The following XPA variants were observed in gnomAD, a reference collection of about 807,000 sequenced individuals.
XPA encodes DNA repair protein complementing XP-A cells.
In XPA, 27 loss-of-function variants were observed where a neutral mutation model predicts 35.7. The ratio of observed to expected loss-of-function variants is 0.76; its 90% CI spans 0.56 to 1.04. XPA has a LOEUF of 1.04. Among genes scored for constraint, XPA ranks in the 50% least tolerant of loss-of-function variants. The pLI is 0.00. For missense variants in XPA, 354 were observed against 342.7 expected (o/e 1.03, Z -0.26); for synonymous variants, 133 against 118.4 (o/e 1.12, Z -0.80).
At chr9:97,658,130 T>C in the XPA span, among the ~76,000 whole-genome samples, 16 of 152,006 alleles carry the variant, frequency 1.1e-4, 1 homozygote, top group South Asian at 1.5e-3. Context: ...CTCATTGCCA[T>C]TGGGGTGTCA....
chr9:97,693,064 T>C (rs1828939109), intron 2 of XPA, among the ~76,000 whole-genome samples: 1 of 144,764 alleles, frequency 6.9e-6, no homozygotes, highest in Non-Finnish European at 1.6e-5. Context: ...TTTTTTTTTT[T>C]TTAATAAAAA....
chr9:97,683,610 T>C (rs1828613403), intron 5 of XPA, among the ~76,000 whole-genome samples: 1 of 152,204 alleles, frequency 6.6e-6, no homozygotes, highest in Non-Finnish European at 1.5e-5. Context: ...GATCTTAGGA[T>C]AGAAAAGAAC....
At chr9:97,656,300 G>A in the XPA span, among the ~76,000 whole-genome samples, 7 of 152,226 alleles carry the variant, frequency 4.6e-5, no homozygotes, top group Admixed American at 2.0e-4. Flanking sequence ...AGATGTCACA[G>A]GCCGGGCGCA....
Position 97,687,298 on chromosome 9 carries a change from T to C in XPA, c.390-37A>G, listed in dbSNP as rs200363287. 65 of 1,541,970 alleles carry C rather than the reference T, an allele frequency of 4.2e-5. No individual in the cohort carries two copies. The Admixed American group carries it at 1.2e-3, about 29-fold the overall frequency. On this transcript the variant is annotated intron_variant, in intron 3 of 5. Transcript: ENST00000375128. ...TTAAGTCCATTATATAAATTAGTTA[T>C]TTTAAATAAGCTAAGTTTGCAAATA...
At chr9:97,664,195 G>T in the XPA span, 1 of 524,226 alleles carries the variant, frequency 1.9e-6, no homozygotes, top group East Asian at 3.1e-5. Flanking sequence ...AAGACCTAAT[G>T]GTCAGATTGA....
the XPA span, chr9:97,669,464 G>A: frequency 3.2e-6 from 2 of 633,204 alleles, no homozygotes; most frequent in African/African-American, 1.8e-5. Context: ...ATGAATAATG[G>A]AAGCTAGGCA....
the XPA span, among the ~76,000 whole-genome samples, chr9:97,659,067 T>C: frequency 6.6e-6 from 1 of 152,248 alleles, no homozygotes; most frequent in Non-Finnish European, 1.5e-5. Context: ...GAATTCATTA[T>C]CTTGTTCAGG....
rs1828745646 is a variant in XPA at position 97,687,190 on chromosome 9, T to A, written c.461A>T (p.Asp154Val). 1 of 1,612,066 alleles carries A rather than the reference T, an allele frequency of 6.2e-7. No homozygotes were observed. Among genetic ancestry groups the A allele is most frequent in the African/African-American group, 1.3e-5 (1 of 74,936 alleles). The change falls in exon 4 of 6, where the codon GAT (aspartate) becomes GTT (valine). Residue 154 changes from aspartate to valine, a missense_variant. By Grantham distance (152) the Asp-to-Val change is radical. Coordinates refer to ENST00000375128, the MANE Select transcript of XPA (RefSeq NM_000380.4). ...AKQEYLLKDC[D>V]LEKREPPLKF... ...AAGAGGTGGCTCTCTTTTTTCTAAA[T>A]CACAGTCTTTCAGAAGATATTCTTG...
At chr9:97,669,950 TCTCA>T (rs1197374577), downstream of XPA, 18 of 494,882 alleles carry the variant, frequency 3.6e-5, no homozygotes, top group Admixed American at 3.7e-4. Context: ...TGAGATGGCA[TCTCA>T]CTCTGTTGCC....
intron 2 of XPA, among the ~76,000 whole-genome samples, chr9:97,692,673 A>G (rs1828929039): frequency 6.6e-6 from 1 of 152,212 alleles, no homozygotes; most frequent in South Asian, 2.1e-4. Context: ...GGGAATTCCT[A>G]AATAAACACA....
In XPA at chr9:97,689,550, T is replaced by C. The variant is rs772505668; in HGVS notation, c.373A>G (p.Thr125Ala). The change falls in exon 3 of 6, where the codon ACT becomes GCT. Residue 125 changes from threonine (T) to alanine (A), a missense_variant. Physicochemically the swap from Thr to Ala is moderately conservative, Grantham distance 58. Coordinates refer to ENST00000375128, the MANE Select transcript of XPA (RefSeq NM_000380.4). ...SYLMNHFDLP[T>A]CDNCRDADDK... ...AATAAGTACCTGCAGTTATCACAAGTTGGCAAATCAAAGTGGTTCATAAGA... is the reference window on the plus strand; with the variant it reads ...AATAAGTACCTGCAGTTATCACAAGCTGGCAAATCAAAGTGGTTCATAAGA... The C allele has an allele frequency of 8.7e-6, 14 of 1,610,620 alleles. No individual in the cohort carries two copies. Among genetic ancestry groups the C allele is most frequent in the African/African-American group, 1.3e-5 (1 of 74,848 alleles).
chr9:97,661,956 A>G, the XPA span: 1 of 870,278 alleles, frequency 1.1e-6, no homozygotes, highest in Non-Finnish European at 1.9e-6. Flanking sequence ...TATAGATGTG[A>G]GCAACCATCT....
chr9:97,665,486 CTG>C, the XPA span, among the ~76,000 whole-genome samples: 96 of 152,316 alleles, frequency 6.3e-4, no homozygotes, highest in African/African-American at 2.3e-3. Flanking sequence ...ATTCTGGAAT[CTG>C]TATAGTGCTC....
At chr9:97,676,529 T>C (rs3176744) in intron 5 of XPA, among the ~76,000 whole-genome samples, 17,970 of 152,178 alleles carry the variant, frequency 0.12, 3,012 homozygotes, top group African/African-American at 0.37. Context: ...ATAACATACA[T>C]CAAGTAATCA....
At chr9:97,668,896 G>A in the XPA span, 2 of 1,613,498 alleles carry the variant, frequency 1.2e-6, no homozygotes, top group African/African-American at 2.7e-5. Flanking sequence ...GGGTTCTTGA[G>A]GAACAAATAG....
chr9:97,687,870 A>T (rs1415414839), intron 3 of XPA, among the ~76,000 whole-genome samples: 3 of 152,152 alleles, frequency 2.0e-5, no homozygotes, highest in African/African-American at 7.2e-5. Flanking sequence ...TGGAATTAAT[A>T]CACACAGGAG....
chr9:97,672,616 G>A (rs1159053601), downstream of XPA: 2 of 152,200 alleles, frequency 1.3e-5, no homozygotes, highest in Non-Finnish European at 1.5e-5. Context: ...TATAATTACA[G>A]TTGACCCTTG....
chr9:97,697,194 C>T lies in XPA; in HGVS notation c.99G>A (p.Gln33=), dbSNP rs775326923. Reference sequence around the variant, plus strand: ...GGGCCTGGCGCAGCATCAGTGCCCGCTGCCGCTTCCGCTCGATACTCGCCC... The same window carrying T: ...GGGCCTGGCGCAGCATCAGTGCCCGTTGCCGCTTCCGCTCGATACTCGCCC... The part of the protein sequence containing the change: ...SVRASIERKR[Q]RALMLRQARL... The change falls in exon 1 of 6, where the codon CAG becomes CAA. Residue 33 remains glutamine (Q), a synonymous_variant. Transcript: ENST00000375128. 2.5e-6 allele frequency: 4 copies of T among 1,598,364 alleles called. No individual in the cohort carries two copies. In the South Asian group the frequency reaches 3.3e-5, roughly 13 times the overall value.
intron 1 of XPA, among the ~76,000 whole-genome samples, chr9:97,695,633 A>C (rs1483670355): frequency 2.0e-5 from 3 of 152,246 alleles, no homozygotes; most frequent in Non-Finnish European, 4.4e-5. Flanking sequence ...CTCTGCTGCT[A>C]TGCCTTGCTG....
Sources: allele counts gnomAD v4.1 joint callset (sites outside exome capture counted in the v4.1 genomes callset), GRCh38; gene constraint gnomAD v4.1.1; transcripts MANE v1.5; gene names NCBI Gene and HGNC (gene_info 2026-07-23, HGNC 2026-07-21).